Variants in MANF observed in about 807,000 individuals in gnomAD.
MANF encodes mesencephalic astrocyte-derived neurotrophic factor.
Under a neutral mutation model 19.1 loss-of-function variants are expected in MANF, and 9 were observed. That is an observed-to-expected ratio of 0.47 (90% CI 0.28 to 0.82). The LOEUF (loss-of-function observed/expected upper bound fraction) is 0.82, where lower values mean the gene tolerates loss of function less well. Ranked by LOEUF, MANF falls within the 40% of genes least tolerant of loss-of-function variation. The probability of loss-of-function intolerance (pLI) is 0.10; values close to 1 mark genes in which losing one functional copy is unlikely to be tolerated. For missense variants in MANF, 225 were observed against 226.7 expected (o/e 0.99, Z 0.05); for synonymous variants, 89 against 88.0 (o/e 1.01, Z -0.06).
intron 1 of MANF, 195 bp from the exon 2 acceptor site, chr3:51,386,013 G>A (rs2088954208): frequency 1.7e-6 from 1 of 591,398 alleles, no homozygotes; most frequent in Non-Finnish European, 3.0e-6. Flanking sequence ...GATGCCCTGG[G>A]TGTACCAGGG....
chr3:51,389,114 AG>A lies in MANF; in HGVS notation c.*30del. 1 of 1,595,042 alleles carries A rather than the reference AG, an allele frequency of 6.3e-7. No homozygotes were observed. The highest frequency in any genetic ancestry group is 1.1e-5 in the South Asian group (1 of 86,984). On this transcript the variant is annotated 3_prime_UTR_variant, in exon 4 of 4. Coordinates refer to ENST00000528157, the MANE Select transcript of MANF (RefSeq NM_006010.6). ...GTCTGCTCAATCTCTGTTGCACCTGAGGGGGAAAAAACAGTTCAACTGCTTA... is the reference window on the plus strand; with the variant it reads ...GTCTGCTCAATCTCTGTTGCACCTGAGGGGAAAAAACAGTTCAACTGCTTA...
Position 51,386,333 on chromosome 3 carries a change from T to C in MANF, c.220T>C (p.Leu74=). The C allele has an allele frequency of 6.2e-7, 1 of 1,613,878 alleles. No individual in the cohort carries two copies. Among genetic ancestry groups the C allele is most frequent in the South Asian group, 1.1e-5 (1 of 91,072 alleles). The change falls in exon 2 of 4, where the codon TTG becomes CTG. Residue 74 remains leucine, a splice_region_variant and synonymous_variant. Transcript: ENST00000528157. ...GGAAGCAAGAGGCAAAGAGAATCGGTTGGTAAGTAGCTGGTGATCCTCCCC... is the reference window on the plus strand; with the variant it reads ...GGAAGCAAGAGGCAAAGAGAATCGGCTGGTAAGTAGCTGGTGATCCTCCCC... ...CREARGKENR[L]CYYIGATDDA...
At position 51,385,404 on chromosome 3, in the gene MANF, G is replaced by A. The variant is rs2110699346; in HGVS notation, c.62G>A (p.Gly21Asp). Residue 21 changes from glycine (G) to aspartate (D), a missense_variant, in exon 1 of 4, where the codon GGC becomes GAC. Coordinates refer to ENST00000528157, the MANE Select transcript of MANF (RefSeq NM_006010.6). Reference sequence around the variant, plus strand: ...GCGCTGGCTCTGAGCGTGCTGCCGGGCAGCCGGGCGCTGCGGCCGGGCGAC... The same window carrying A: ...GCGCTGGCTCTGAGCGTGCTGCCGGACAGCCGGGCGCTGCGGCCGGGCGAC... Reference protein sequence around the residue: ...AVALALSVLPGSRALRPGDCE... With the variant: ...AVALALSVLPDSRALRPGDCE... 8.1e-7 allele frequency: 1 copy of A among 1,238,058 alleles called. No individual in the cohort carries two copies. The allele number at this position is 1,238,058 out of a possible 1,614,324, so 76.7% of individuals were successfully genotyped here.
chr3:51,385,990 T>C, intron 1 of MANF: 2 of 570,968 alleles, frequency 3.5e-6, no homozygotes, highest in Admixed American at 6.1e-5. Context: ...CATTGGGTGA[T>C]GCTTGGTCCT....
chr3:51,386,228 A>G lies in MANF; in HGVS notation c.115A>G (p.Arg39Gly), dbSNP rs782701340. 1 of 1,613,588 alleles carries G rather than the reference A, an allele frequency of 6.2e-7. No individual in the cohort carries two copies. Among genetic ancestry groups the G allele is most frequent in the African/African-American group, 1.3e-5 (1 of 74,918 alleles). The stretch of plus-strand genomic sequence containing the variant: ...TCCAGTTTGTATTTCTTATCTGGGA[A>G]GATTTTACCAGGACCTCAAAGACAG... Reference protein sequence around the residue: ...DCEVCISYLGRFYQDLKDRDV... With the variant: ...DCEVCISYLGGFYQDLKDRDV... Residue 39 changes from arginine (R) to glycine (G), a missense_variant, in exon 2 of 4, where the codon AGA becomes GGA. Arg to Gly is a moderately radical substitution (Grantham distance 125). Transcript: ENST00000528157.
Position 51,385,394 on chromosome 3 carries a change from G to T in MANF, c.52G>T (p.Val18Leu). The T allele has an allele frequency of 8.1e-7, 1 of 1,238,680 alleles. No homozygotes were observed. Among genetic ancestry groups the T allele is most frequent in the Non-Finnish European group, 1.0e-6 (1 of 989,538 alleles). 76.7% of individuals were successfully genotyped at this position (1,238,680 alleles called of 1,614,324 possible). Residue 18 changes from valine (V) to leucine (L), a missense_variant, in exon 1 of 4, where the codon GTG becomes TTG. Coordinates refer to ENST00000528157, the MANE Select transcript of MANF (RefSeq NM_006010.6). The stretch of plus-strand genomic sequence containing the variant: ...GCTGGCGGTGGCGCTGGCTCTGAGC[G>T]TGCTGCCGGGCAGCCGGGCGCTGCG... The part of the protein sequence containing the change: ...QGLAVALALS[V>L]LPGSRALRPG...
Position 51,386,299 on chromosome 3 carries a change from G to C in MANF, c.186G>C (p.Lys62Asn). ...SPATIENELIKFCREARGKEN... is the reference protein window; with the variant it reads ...SPATIENELINFCREARGKEN... Reference sequence around the variant, plus strand: ...CCACTATTGAAAACGAACTTATAAAGTTCTGCCGGGAAGCAAGAGGCAAAG... The same window carrying C: ...CCACTATTGAAAACGAACTTATAAACTTCTGCCGGGAAGCAAGAGGCAAAG... Residue 62 changes from lysine (K) to asparagine (N), a missense_variant, in exon 2 of 4, where the codon AAG becomes AAC. Physicochemically the swap from Lys to Asn is moderately conservative, Grantham distance 94 (BLOSUM62 0). Transcript: ENST00000528157. 6.2e-7 allele frequency: 1 copy of C among 1,613,952 alleles called. No individual in the cohort carries two copies. The highest frequency in any genetic ancestry group is 8.5e-7 in the Non-Finnish European group (1 of 1,179,874).
Position 51,389,024 on chromosome 3 carries a change from CG to C in MANF, c.486del (p.Lys163ArgfsTer2), listed in dbSNP as rs1334231780. On this transcript the variant is annotated frameshift_variant, in exon 4 of 4. Transcript: ENST00000528157. LOFTEE classifies it high-confidence loss of function. ...KGCAEKSDYI[R>X]KINELMPKYA... ...CTGTGCAGAAAAGTCTGACTACATC[CG>C]GAAGATAAATGAACTGATGCCTAAA... The C allele has an allele frequency of 1.2e-6, 2 of 1,612,118 alleles. No homozygotes were observed. The highest frequency in any genetic ancestry group is 1.7e-6 in the Non-Finnish European group (2 of 1,179,078).
intron 1 of MANF, 101 bp downstream of exon 1, chr3:51,385,537 GGGGGC>G: frequency 3.6e-6 from 2 of 553,218 alleles, no homozygotes; most frequent in African/African-American, 2.8e-5. Flanking sequence ...GGGCGAGGGC[GGGGGC>G]GGGGGCGGGG....
At position 51,389,252 on chromosome 3, in the gene MANF, G is replaced by A; in HGVS notation, c.*163G>A. The A allele has an allele frequency of 1.7e-6, 1 of 591,650 alleles. No homozygotes were observed. The highest frequency in any genetic ancestry group is 2.9e-6 in the Non-Finnish European group (1 of 348,216). 36.7% of individuals were successfully genotyped at this position (591,650 alleles called of 1,614,324 possible). A position where few individuals can be genotyped will look rare whatever the true frequency, so the allele number is the denominator to read the frequency against. On this transcript the variant is annotated 3_prime_UTR_variant, in exon 4 of 4. Transcript: ENST00000528157. ...GATGCTGGCCCTACAGTACCCCCAT[G>A]AGGGGATTCCCTTCCTTCTGTTGCT...
At position 51,389,071 on chromosome 3, in the gene MANF, T is replaced by C. The variant is rs782287979; in HGVS notation, c.531T>C (p.Ser177=). The C allele has an allele frequency of 6.2e-7, 1 of 1,612,282 alleles. No individual in the cohort carries two copies. Among genetic ancestry groups the C allele is most frequent in the Admixed American group, 1.7e-5 (1 of 59,780 alleles). ...CTAAATATGCCCCCAAGGCAGCCAG[T>C]GCACGGACCGATTTGTAGTCTGCTC... is the stretch of plus-strand genomic sequence containing the variant. ...LMPKYAPKAA[S]ARTDL Residue 177 remains serine (S), a synonymous_variant, in exon 4 of 4, where the codon AGT becomes AGC. Transcript: ENST00000528157.
chr3:51,387,341 A>G (rs2106637391), intron 2 of MANF, among the ~76,000 whole-genome samples: 1 of 152,270 alleles, frequency 6.6e-6, no homozygotes, highest in South Asian at 2.1e-4. Context: ...CTGTAATCCC[A>G]GCTGCTCAGG....
Position 51,385,292 on chromosome 3 carries a change from G to A in MANF, c.-51G>A. 8.5e-7 allele frequency: 1 copy of A among 1,171,434 alleles called. No individual in the cohort carries two copies. Among genetic ancestry groups the A allele is most frequent in the Middle Eastern group, 2.5e-4 (1 of 3,972 alleles). The allele number at this position is 1,171,434 out of a possible 1,614,324, so 72.6% of individuals were successfully genotyped here. ...GGTGCGGCGCGGCGGGTGCGGTTCA[G>A]TCGGTCGGCGGCGGCAGCGGAGGAG... On this transcript the variant is annotated 5_prime_UTR_variant, in exon 1 of 4. Coordinates refer to ENST00000528157, the MANE Select transcript of MANF (RefSeq NM_006010.6).
intron 2 of MANF, 122 bp from the exon 3 acceptor site, chr3:51,387,613 CAG>C: frequency 1.1e-6 from 1 of 870,086 alleles, no homozygotes; most frequent in Non-Finnish European, 1.8e-6. Flanking sequence ...GCCTGGGTGA[CAG>C]GGAGCCCTAT....
chr3:51,385,950 G>T (rs1165654801), intron 1 of MANF: 1 of 455,334 alleles, frequency 2.2e-6, no homozygotes, highest in Middle Eastern at 5.8e-4. Flanking sequence ...TAAACTTGAT[G>T]AAAGGAGCAG....
chr3:51,385,626 G>A (rs1268662865), intron 1 of MANF, 190 bp downstream of exon 1: 3 of 386,798 alleles, frequency 7.8e-6, no homozygotes, highest in African/African-American at 6.2e-5. Flanking sequence ...CTTGGGCCTA[G>A]AAAACATTGG....
Position 51,387,774 on chromosome 3 carries a change from A to G in MANF, c.260A>G (p.Lys87Arg). ...YIGATDDAATKIINEVSKPLA... is the reference protein window; with the variant it reads ...YIGATDDAATRIINEVSKPLA... ...GGGGCCACAGATGATGCAGCCACCA[A>G]AATCATCAATGAGGTATCAAAGCCT... Residue 87 changes from lysine (K) to arginine (R), a missense_variant, in exon 3 of 4, where the codon AAA (lysine) becomes AGA (arginine). Coordinates refer to ENST00000528157, the MANE Select transcript of MANF (RefSeq NM_006010.6). The G allele has an allele frequency of 1.2e-6, 2 of 1,612,812 alleles. No homozygotes were observed. The highest frequency in any genetic ancestry group is 1.7e-5 in the Admixed American group (1 of 59,828).
rs782650820 is a variant in MANF at position 51,386,318 on chromosome 3, G to A, written c.205G>A (p.Gly69Ser). ...TATAAAGTTCTGCCGGGAAGCAAGA[G>A]GCAAAGAGAATCGGTTGGTAAGTAG... is the stretch of plus-strand genomic sequence containing the variant. The part of the protein sequence containing the change: ...ELIKFCREAR[G>S]KENRLCYYIG... The change falls in exon 2 of 4, where the codon GGC becomes AGC. Residue 69 changes from glycine (G) to serine (S), a missense_variant. By Grantham distance (56) the Gly-to-Ser change is moderately conservative. Transcript: ENST00000528157. The A allele has an allele frequency of 1.9e-6, 3 of 1,613,780 alleles. No homozygotes were observed. Among genetic ancestry groups the A allele is most frequent in the African/African-American group, 1.3e-5 (1 of 74,922 alleles).
At chr3:51,386,080 G>C in intron 1 of MANF, 128 bp from the exon 2 acceptor site, 1 of 1,044,632 alleles carries the variant, frequency 9.6e-7, no homozygotes, top group Non-Finnish European at 1.4e-6. Context: ...AGAAAAATCG[G>C]TGATGGAAAA....
Sources: allele counts gnomAD v4.1 joint callset (sites outside exome capture counted in the v4.1 genomes callset), GRCh38; gene constraint gnomAD v4.1.1; transcripts MANE v1.5; gene names NCBI Gene and HGNC (gene_info 2026-07-23, HGNC 2026-07-21).